AGBL1: variants seen among roughly 807,000 people sequenced by gnomAD.
AGBL1 encodes the protein cytosolic carboxypeptidase 4.
AGBL1 carries 130 observed loss-of-function variants against 118.9 expected under a neutral mutation model. That is an observed-to-expected ratio of 1.09 (90% CI 0.95 to 1.26). The LOEUF (loss-of-function observed/expected upper bound fraction) is 1.26. AGBL1 is among the 50% of genes most tolerant of loss of function. The probability of loss-of-function intolerance (pLI) is 0.00; values close to 1 mark genes in which losing one functional copy is unlikely to be tolerated. For missense variants in AGBL1, 1,584 were observed against 1,298.1 expected (o/e 1.22, Z -3.38); for synonymous variants, 555 against 478.9 (o/e 1.16, Z -2.08).
At chr15:86,105,053 G>T (rs1896971397) in intron 1 of AGBL1, 2 of 152,140 alleles carry the variant, frequency 1.3e-5, no homozygotes, top group Non-Finnish European at 2.9e-5. Flanking sequence ...CTTGCCTTAG[G>T]TATTTATTGC....
At chr15:86,492,150 A>G (rs750595528) in intron 18 of AGBL1, among the ~76,000 whole-genome samples, 2 of 152,132 alleles carry the variant, frequency 1.3e-5, no homozygotes, top group African/African-American at 2.4e-5. Context: ...GAAGATGAAC[A>G]TGGAGTGATG....
chr15:86,281,480 T>C (rs1404038114), intron 16 of AGBL1, among the ~76,000 whole-genome samples: 1 of 152,188 alleles, frequency 6.6e-6, no homozygotes, highest in African/African-American at 2.4e-5. Context: ...GCCTTTCCCA[T>C]TGGGTAAGTG....
At chr15:86,850,417 T>C (rs1340378251) in intron 22 of AGBL1, among the ~76,000 whole-genome samples, 1 of 152,246 alleles carries the variant, frequency 6.6e-6, no homozygotes, top group Non-Finnish European at 1.5e-5. Flanking sequence ...ACATTTCCTA[T>C]AGCACCGACT....
chr15:86,951,663 A>T (rs1420057273), intron 23 of AGBL1, among the ~76,000 whole-genome samples: 2 of 152,188 alleles, frequency 1.3e-5, no homozygotes, highest in Non-Finnish European at 2.9e-5. Flanking sequence ...CTAAGATGAG[A>T]CACAAAGGGA....
chr15:86,361,918 T>C (rs572263133), intron 17 of AGBL1, among the ~76,000 whole-genome samples: 3 of 152,312 alleles, frequency 2.0e-5, no homozygotes, highest in Admixed American at 1.3e-4. Flanking sequence ...TGTCTTTTGA[T>C]TGGAGAATTT....
chr15:86,314,777 G>A (rs1369826066), intron 17 of AGBL1, among the ~76,000 whole-genome samples: 1 of 152,164 alleles, frequency 6.6e-6, no homozygotes, highest in Non-Finnish European at 1.5e-5. Context: ...TGTAGGAAGT[G>A]AGATTTAATC....
In AGBL1 at chr15:86,267,081, G is replaced by C; in HGVS notation, c.1838+5G>C. On this transcript the variant is annotated splice_donor_5th_base_variant and intron_variant, in intron 13 of 22. Transcript: ENST00000614907. ...CAAAGCCATCCAAGTGCGTGAGTAA[G>C]TAAGGAAAACCACAGTGGGTGTCTC... 6.4e-7 allele frequency: 1 copy of C among 1,556,970 alleles called. No homozygotes were observed. Among genetic ancestry groups the C allele is most frequent in the Non-Finnish European group, 8.7e-7 (1 of 1,149,314 alleles).
Position 86,826,851 on chromosome 15 carries a change from G to A in AGBL1, c.3159-80236G>A, listed in dbSNP as rs112483866. The stretch of plus-strand genomic sequence containing the variant: ...AATGGTGATGATGAGATTCCAGAGT[G>A]GTTGAGACTGGGTGGCAGCACTTAA... On this transcript the variant is annotated intron_variant, in intron 22 of 22. Transcript: ENST00000614907. 3.0e-3 allele frequency among the ~76,000 whole-genome samples: 461 copies of A among 152,132 alleles called. 3 individuals carry two copies. Among genetic ancestry groups the A allele is most frequent in the African/African-American group, 0.011 (439 of 41,518 alleles).
chr15:86,185,838 T>A (rs1039116412), intron 5 of AGBL1, among the ~76,000 whole-genome samples: 1 of 152,072 alleles, frequency 6.6e-6, no homozygotes, highest in Non-Finnish European at 1.5e-5. Context: ...CACACCAACA[T>A]GGCACATGTA....
intron 24 of AGBL1, among the ~76,000 whole-genome samples, chr15:86,998,239 T>C (rs1392635500): frequency 6.6e-6 from 1 of 152,218 alleles, no homozygotes; most frequent in Non-Finnish European, 1.5e-5. Flanking sequence ...AGTGACTGGA[T>C]ACAAAAGACT....
At chr15:86,189,960 A>G (rs969845431) in intron 5 of AGBL1, among the ~76,000 whole-genome samples, 4 of 152,312 alleles carry the variant, frequency 2.6e-5, no homozygotes, top group South Asian at 2.1e-4. Context: ...GTAATGTTAC[A>G]TTTGCTATAT....
chr15:86,924,295 G>T (rs1242571347), intron 23 of AGBL1, among the ~76,000 whole-genome samples: 4 of 152,230 alleles, frequency 2.6e-5, no homozygotes, highest in African/African-American at 7.2e-5. Flanking sequence ...GGTCTTATTG[G>T]CAAGGACATA....
At chr15:86,234,777 G>A (rs756062480) in intron 6 of AGBL1, among the ~76,000 whole-genome samples, 5 of 152,134 alleles carry the variant, frequency 3.3e-5, no homozygotes, top group Admixed American at 6.5e-5. Flanking sequence ...AAGAGTGGGA[G>A]TACAGTACTG....
chr15:86,965,560 A>T (rs906377856), intron 23 of AGBL1, among the ~76,000 whole-genome samples: 4 of 151,404 alleles, frequency 2.6e-5, no homozygotes, highest in African/African-American at 9.7e-5. Flanking sequence ...GATTGAAAAA[A>T]TTTTCTCCCA....
At chr15:86,434,812 A>T (rs1020535504) in intron 18 of AGBL1, among the ~76,000 whole-genome samples, 19 of 152,204 alleles carry the variant, frequency 1.2e-4, no homozygotes, top group Non-Finnish European at 5.9e-5. Flanking sequence ...TAGTATGCAA[A>T]GCTTGATTAA....
chr15:86,277,279 A>AGG (rs1312482144), intron 15 of AGBL1, among the ~76,000 whole-genome samples: 6 of 109,578 alleles, frequency 5.5e-5, no homozygotes, highest in African/African-American at 2.6e-4. Flanking sequence ...ATGTTAGGAG[A>AGG]GAGAGAGAGA....
chr15:86,231,648 A>G (rs1174837393), intron 6 of AGBL1, among the ~76,000 whole-genome samples: 1 of 152,190 alleles, frequency 6.6e-6, no homozygotes, highest in Non-Finnish European at 1.5e-5. Flanking sequence ...CAGTTAGCCT[A>G]TCAAGGAGAT....
At chr15:86,218,776 C>T (rs1221679161) in intron 5 of AGBL1, among the ~76,000 whole-genome samples, 2 of 152,122 alleles carry the variant, frequency 1.3e-5, no homozygotes, top group African/African-American at 2.4e-5. Context: ...TACAGCAAGC[C>T]GGCAGTGTCC....
intron 18 of AGBL1, among the ~76,000 whole-genome samples, chr15:86,440,396 C>G (rs1431230): frequency 0.43 from 65,457 of 151,298 alleles, 14,808 homozygotes; most frequent in East Asian, 0.83. Context: ...AGATCATCAA[C>G]AAAGGAGAAG....
Sources: allele counts gnomAD v4.1 joint callset (sites outside exome capture counted in the v4.1 genomes callset), GRCh38; gene constraint gnomAD v4.1.1; transcripts MANE v1.5; gene names NCBI Gene and HGNC (gene_info 2026-07-23, HGNC 2026-07-21).